Variants in GTF2E1 observed in about 807,000 individuals in gnomAD.
GTF2E1 encodes general transcription factor IIE subunit 1.
In GTF2E1, 14 loss-of-function variants were observed where a neutral mutation model predicts 34.9. The observed-to-expected ratio is 0.40, with a 90% CI of 0.27 to 0.63. The LOEUF is 0.63. GTF2E1 is among the 20% of genes least tolerant of loss of function. GTF2E1 has a pLI of 0.39. For missense variants in GTF2E1, 469 were observed against 557.7 expected (o/e 0.84, Z 1.60); for synonymous variants, 188 against 192.9 (o/e 0.97, Z 0.21).
chr3:120,760,223 A>T (rs1029378655), intron 2 of GTF2E1, among the ~76,000 whole-genome samples: 2 of 151,464 alleles, frequency 1.3e-5, no homozygotes, highest in African/African-American at 2.4e-5. Flanking sequence ...TCATGATTTG[A>T]CTCTCTGTTT....
At chr3:120,777,183 G>C (rs1709408749) in intron 4 of GTF2E1, among the ~76,000 whole-genome samples, 1 of 152,136 alleles carries the variant, frequency 6.6e-6, no homozygotes, top group Admixed American at 6.5e-5. Flanking sequence ...GAGGATTTTG[G>C]AAATTTCTGA....
chr3:120,751,068 A>G, intron 2 of GTF2E1, 68 bp downstream of exon 2: 1 of 959,124 alleles, frequency 1.0e-6, no homozygotes, highest in Non-Finnish European at 1.6e-6. Context: ...AAATTGATTC[A>G]TCTAATTTTT....
At chr3:120,756,908 A>G (rs1289181684) in intron 2 of GTF2E1, among the ~76,000 whole-genome samples, 1 of 152,200 alleles carries the variant, frequency 6.6e-6, no homozygotes, top group Non-Finnish European at 1.5e-5. Flanking sequence ...TCTGGGCGAC[A>G]GAGTGAAACT....
chr3:120,746,489 CAA>C (rs10662803), intron 1 of GTF2E1, among the ~76,000 whole-genome samples: 4 of 136,072 alleles, frequency 2.9e-5, no homozygotes, highest in Admixed American at 1.5e-4. Flanking sequence ...ACCCTGTCTC[CAA>C]AAAAAAAAAA....
intron 2 of GTF2E1, among the ~76,000 whole-genome samples, chr3:120,765,316 T>A (rs1415993165): frequency 6.6e-6 from 1 of 152,210 alleles, no homozygotes; most frequent in East Asian, 1.9e-4. Context: ...CTTCCCACTT[T>A]CAATGCCTGT....
intron 2 of GTF2E1, among the ~76,000 whole-genome samples, chr3:120,768,332 A>G (rs867861065): frequency 5.9e-5 from 9 of 152,170 alleles, no homozygotes; most frequent in African/African-American, 2.2e-4. Flanking sequence ...GGTAGAGGGC[A>G]CAGCAGTGCA....
intron 1 of GTF2E1, among the ~76,000 whole-genome samples, chr3:120,746,675 C>T (rs376361273): frequency 3.9e-5 from 6 of 152,106 alleles, no homozygotes; most frequent in South Asian, 2.1e-4. Context: ...GGTGTCCACC[C>T]GTAGTCTCAG....
At chr3:120,764,031 T>C (rs1709286647) in intron 2 of GTF2E1, among the ~76,000 whole-genome samples, 1 of 152,218 alleles carries the variant, frequency 6.6e-6, no homozygotes, top group Admixed American at 6.5e-5. Flanking sequence ...ATGCCTTTAC[T>C]TTATTTGCCT....
At chr3:120,752,002 T>A (rs1709168136) in intron 2 of GTF2E1, among the ~76,000 whole-genome samples, 1 of 152,220 alleles carries the variant, frequency 6.6e-6, no homozygotes, top group South Asian at 2.1e-4. Flanking sequence ...ATATGGTACA[T>A]TTTAAATAAT....
rs1709154780 is a variant in GTF2E1 at position 120,750,456 on chromosome 3, C to CA, written c.-30-65dup. 3.3e-6 allele frequency: 3 copies of CA among 921,960 alleles called. No individual in the cohort carries two copies. In the Admixed American group the frequency reaches 6.7e-5, roughly 21 times the overall value. The allele number at this position is 921,960 out of a possible 1,614,324, so 57.1% of individuals were successfully genotyped here. Reference sequence around the variant, plus strand: ...CACTTTGGGTACTTTTCTGGCACTGCAAGGATAGTGGATATGATTACCATG... The same window carrying CA: ...CACTTTGGGTACTTTTCTGGCACTGCAAAGGATAGTGGATATGATTACCATG... On this transcript the variant is annotated intron_variant, in intron 1 of 4. Coordinates refer to ENST00000283875, the MANE Select transcript of GTF2E1 (RefSeq NM_005513.3).
chr3:120,781,091 G>A lies in GTF2E1; in HGVS notation c.941G>A (p.Gly314Glu). ...CAGGAGCGTGAGGAAGGCCATGCTG[G>A]GCCTGATGACAACGAAGAGGTCATG... Reference protein sequence around the residue: ...AFQEREEGHAGPDDNEEVMRA... With the variant: ...AFQEREEGHAEPDDNEEVMRA... The change falls in exon 5 of 5, where the codon GGG becomes GAG. Residue 314 changes from glycine to glutamate, a missense_variant. Coordinates refer to ENST00000283875, the MANE Select transcript of GTF2E1 (RefSeq NM_005513.3). 3.7e-6 allele frequency: 6 copies of A among 1,614,018 alleles called. No homozygotes were observed. Among genetic ancestry groups the A allele is most frequent in the Non-Finnish European group, 5.1e-6 (6 of 1,179,960 alleles).
chr3:120,753,621 G>A (rs1392164456), intron 2 of GTF2E1, among the ~76,000 whole-genome samples: 2 of 152,132 alleles, frequency 1.3e-5, no homozygotes, highest in Non-Finnish European at 2.9e-5. Context: ...TCTGCCACAG[G>A]ACAAAGGGTA....
intron 4 of GTF2E1, among the ~76,000 whole-genome samples, chr3:120,778,408 C>G (rs1709418960): frequency 6.6e-6 from 1 of 152,166 alleles, no homozygotes; most frequent in Non-Finnish European, 1.5e-5. Flanking sequence ...TGAAGTGGGT[C>G]TTAACACTTG....
intron 2 of GTF2E1, among the ~76,000 whole-genome samples, chr3:120,761,783 G>C (rs1380019465): frequency 6.8e-6 from 1 of 146,094 alleles, no homozygotes; most frequent in South Asian, 2.2e-4. Flanking sequence ...TGGTCTGAGA[G>C]ACATTTTTTT....
At chr3:120,745,496 T>G (rs1025472223) in intron 1 of GTF2E1, among the ~76,000 whole-genome samples, 6 of 152,114 alleles carry the variant, frequency 3.9e-5, no homozygotes, top group African/African-American at 1.2e-4. Flanking sequence ...TAAAAATTTG[T>G]GTGATGCCTA....
chr3:120,751,050 T>A, intron 2 of GTF2E1, 50 bp downstream of exon 2: 1 of 1,166,470 alleles, frequency 8.6e-7, no homozygotes, highest in South Asian at 1.4e-5. Context: ...TGTATTACCT[T>A]TTTTCTTAAA....
chr3:120,754,612 C>CA (rs1709192941), intron 2 of GTF2E1, among the ~76,000 whole-genome samples: 3 of 151,662 alleles, frequency 2.0e-5, no homozygotes, highest in Admixed American at 2.0e-4. Context: ...GAATATTGGG[C>CA]AAAAAAATAC....
intron 4 of GTF2E1, among the ~76,000 whole-genome samples, chr3:120,777,834 T>C (rs780902399): frequency 2.0e-5 from 3 of 152,228 alleles, no homozygotes; most frequent in Non-Finnish European, 2.9e-5. Flanking sequence ...CAAGTGATTC[T>C]CTTGCCTCAG....
At chr3:120,755,642 C>T (rs1295513667) in intron 2 of GTF2E1, among the ~76,000 whole-genome samples, 1 of 152,112 alleles carries the variant, frequency 6.6e-6, no homozygotes, top group Non-Finnish European at 1.5e-5. Context: ...TCCAATTATA[C>T]TATTTTAGTT....
Sources: gnomAD v4.1 joint callset for allele counts (sites outside exome capture counted in the v4.1 genomes callset) on GRCh38, gnomAD v4.1.1 for gene constraint, MANE v1.5 for transcripts, NCBI Gene and HGNC (gene_info 2026-07-23, HGNC 2026-07-21) for gene names.